Variants in DNAH10 observed in about 807,000 individuals in gnomAD.
DNAH10 encodes dynein axonemal heavy chain 10.
A neutral mutation model predicts 506.6 loss-of-function variants in DNAH10; 348 were observed. That is an observed-to-expected ratio of 0.69 (90% CI 0.63 to 0.75). The LOEUF is 0.75. DNAH10 is among the 30% of genes least tolerant of loss of function. DNAH10 has a pLI of 0.00. For missense variants in DNAH10, 5,179 were observed against 5,787.1 expected (o/e 0.89, Z 3.41); for synonymous variants, 2,059 against 2,198.6 (o/e 0.94, Z 1.78).
chr12:123,918,583 T>C (rs1678750003), intron 64 of DNAH10, 93 bp from the exon 65 acceptor site: 2 of 1,431,038 alleles, frequency 1.4e-6, no homozygotes, highest in South Asian at 3.2e-5. Flanking sequence ...CCCTGAAGCA[T>C]TGTACATACC....
chr12:123,922,487 C>T (rs1035841139), intron 65 of DNAH10, among the ~76,000 whole-genome samples: 1 of 152,190 alleles, frequency 6.6e-6, no homozygotes, highest in African/African-American at 2.4e-5. Flanking sequence ...ACTCGTGTCC[C>T]TTTCCAGTCC....
chr12:123,879,218 C>A, intron 48 of DNAH10, 46 bp from the exon 49 acceptor site: 1 of 1,516,530 alleles, frequency 6.6e-7, no homozygotes. Context: ...GCCCTGGTAT[C>A]CTTCAGGTGA....
Position 123,870,373 on chromosome 12 carries a change from T to C in DNAH10, c.7527T>C (p.Leu2509=). The change falls in exon 44 of 79, where the codon CTT becomes CTC. Residue 2509 remains leucine, a synonymous_variant. Coordinates refer to ENST00000673944, the MANE Select transcript of DNAH10 (RefSeq NM_001372106.1). ...WANPGELPGQ[L]PTLYDFHFDN... ...AACCATGATTTCCTGCAGGTCAACT[T>C]CCAACCTTGTATGACTTTCATTTTG... The C allele has an allele frequency of 6.2e-7, 1 of 1,613,542 alleles. No homozygotes were observed. The highest frequency in any genetic ancestry group is 1.1e-5 in the South Asian group (1 of 90,888).
intron 36 of DNAH10, among the ~76,000 whole-genome samples, chr12:123,854,162 C>T (rs1951299946): frequency 6.9e-6 from 1 of 144,138 alleles, no homozygotes; most frequent in Non-Finnish European, 1.5e-5. Flanking sequence ...ACTATAAAGT[C>T]AGATGGAGCT....
At position 123,913,183 on chromosome 12, in the gene DNAH10, T is replaced by G. The variant is rs755264046; in HGVS notation, c.10220T>G (p.Leu3407Arg). Residue 3407 changes from leucine (L) to arginine (R), a missense_variant, in exon 60 of 79, where the codon CTG becomes CGG. By Grantham distance (102) the Leu-to-Arg change is moderately radical (BLOSUM62 -2). Transcript: ENST00000673944. The surrounding 1 kb of genome is among the most constrained non-coding windows in gnomAD (Gnocchi z 5.1). ...GAGTTGGCAGCAATTCAGAAAGAGC[T>G]GGAAACATTGGGTGCCAAATATGAG... ...QNELAAIQKELETLGAKYEAA... is the reference protein window; with the variant it reads ...QNELAAIQKERETLGAKYEAA... 2 of 1,610,954 alleles carry G rather than the reference T, an allele frequency of 1.2e-6. No individual in the cohort carries two copies. The highest frequency in any genetic ancestry group is 1.7e-6 in the Non-Finnish European group (2 of 1,179,006).
chr12:123,873,646 A>G lies in DNAH10; in HGVS notation c.7874A>G (p.Asp2625Gly), dbSNP rs527340740. 1.2e-6 allele frequency: 2 copies of G among 1,613,876 alleles called. No homozygotes were observed. Among genetic ancestry groups the G allele is most frequent in the East Asian group, 4.5e-5 (2 of 44,876 alleles). Residue 2625 changes from aspartate to glycine, a missense_variant, in exon 46 of 79, where the codon GAT becomes GGT. Around this residue, in one of 3 missense-constraint regions of DNAH10, gnomAD observed 4,844 missense variants for 5,430.5 expected, o/e 0.89. Coordinates refer to ENST00000673944, the MANE Select transcript of DNAH10 (RefSeq NM_001372106.1). ...GCAAATGTGGAAAAGCGAACCAAAG[A>G]TACTTACGGCCCACCCATGGGAAAA... ...LEANVEKRTKDTYGPPMGKRL... is the reference protein window; with the variant it reads ...LEANVEKRTKGTYGPPMGKRL...
chr12:123,896,155 A>C (rs1379449975), intron 54 of DNAH10, among the ~76,000 whole-genome samples: 1 of 99,396 alleles, frequency 1.0e-5, no homozygotes, highest in African/African-American at 5.0e-5. Context: ...ACACAGAGAG[A>C]GAGAGAGAGA....
At position 123,909,236 on chromosome 12, in the gene DNAH10, C is replaced by A. The variant is rs1488046282; in HGVS notation, c.9816-25C>A. 8 of 1,608,182 alleles carry A rather than the reference C, an allele frequency of 5.0e-6. No individual in the cohort carries two copies. Among genetic ancestry groups the A allele is most frequent in the Non-Finnish European group, 6.8e-6 (8 of 1,177,842 alleles). On this transcript the variant is annotated intron_variant, in intron 57 of 78. Coordinates refer to ENST00000673944, the MANE Select transcript of DNAH10 (RefSeq NM_001372106.1). The surrounding 1 kb of genome is among the most constrained non-coding windows in gnomAD (Gnocchi z 5.4). ...TCCTGGCCACATCCCGGGGTTGTGA[C>A]CCACGTGCCTTGGTTTCTTGCCAGG...
In DNAH10 at chr12:123,913,483, A is replaced by T. The variant is rs1184919719; in HGVS notation, c.10352+168A>T. 6.6e-6 allele frequency among the ~76,000 whole-genome samples: 1 copy of T among 152,210 alleles called. No individual in the cohort carries two copies. Among genetic ancestry groups the T allele is most frequent in the Non-Finnish European group, 1.5e-5 (1 of 68,036 alleles). Reference sequence around the variant, plus strand: ...TTATGGCAGCTAATGGCTATTTTATAGGCTCTTGTTTGTATTAGGCACTGA... The same window carrying T: ...TTATGGCAGCTAATGGCTATTTTATTGGCTCTTGTTTGTATTAGGCACTGA... On this transcript the variant is annotated intron_variant, in intron 60 of 78. Coordinates refer to ENST00000673944, the MANE Select transcript of DNAH10 (RefSeq NM_001372106.1). The surrounding 1 kb of genome is among the most constrained non-coding windows in gnomAD (Gnocchi z 5.1).
At chr12:123,895,634 G>T (rs187548150) in intron 54 of DNAH10, among the ~76,000 whole-genome samples, 19 of 152,234 alleles carry the variant, frequency 1.2e-4, no homozygotes. Flanking sequence ...ACAAAAACAG[G>T]GGGCGGGCTG....
At chr12:123,897,703 C>T (rs961072352) in intron 54 of DNAH10, 67 bp from the exon 55 acceptor site, 4 of 1,530,276 alleles carry the variant, frequency 2.6e-6, no homozygotes, top group Non-Finnish European at 3.5e-6. Context: ...CCAGCCTGGG[C>T]AACAGAGTGA....
Position 123,850,628 on chromosome 12 carries a change from G to A in DNAH10, c.6103-260G>A, listed in dbSNP as rs570646452. On this transcript the variant is annotated intron_variant, in intron 34 of 78. Transcript: ENST00000673944. The surrounding 1 kb of genome is among the most constrained non-coding windows in gnomAD (Gnocchi z 5.5). ...GTATCAGCCCCAGACTCTGTGCTTCGCCAACCTGGGCCCCTTCTCCAAGGT... is the reference window on the plus strand; with the variant it reads ...GTATCAGCCCCAGACTCTGTGCTTCACCAACCTGGGCCCCTTCTCCAAGGT... 2.0e-5 allele frequency among the ~76,000 whole-genome samples: 3 copies of A among 152,270 alleles called. No homozygotes were observed. The highest frequency in any genetic ancestry group is 1.9e-4 in the East Asian group (1 of 5,176).
intron 77 of DNAH10, 70 bp downstream of exon 77, chr12:123,933,581 A>C: frequency 1.5e-4 from 225 of 1,503,214 alleles, no homozygotes; most frequent in Non-Finnish European, 1.8e-4. Flanking sequence ...CCTCCAACTC[A>C]AAGGGACAGG....
Position 123,772,915 on chromosome 12 carries a change from G to A in DNAH10, c.478G>A (p.Val160Met), listed in dbSNP as rs539668219. 3.9e-5 allele frequency: 63 copies of A among 1,612,754 alleles called. No individual in the cohort carries two copies. Among genetic ancestry groups the A allele is most frequent in the Admixed American group, 6.7e-5 (4 of 59,768 alleles). ...TCCCGAGGAGTTCCTGGACCAAAACGTGGTGTTTTTCCTCAGAAATACCAA... is the reference window on the plus strand; with the variant it reads ...TCCCGAGGAGTTCCTGGACCAAAACATGGTGTTTTTCCTCAGAAATACCAA... ...PLPEEFLDQN[V>M]VFFLRNTKEA... Residue 160 changes from valine (V) to methionine (M), a missense_variant, in exon 4 of 79, where the codon GTG becomes ATG. By Grantham distance (21) the Val-to-Met change is conservative. Coordinates refer to ENST00000673944, the MANE Select transcript of DNAH10 (RefSeq NM_001372106.1).
rs748999423 is a variant in DNAH10, at chr12:123,850,988, C to T, written c.6203C>T (p.Ala2068Val). 21 of 1,613,964 alleles carry T rather than the reference C, an allele frequency of 1.3e-5. No individual in the cohort carries two copies. Among genetic ancestry groups the T allele is most frequent in the South Asian group, 7.7e-5 (7 of 91,074 alleles). ...GRTELPESVK[A>V]LFRPVVVIVP... is the part of the protein sequence containing the mutation. ...ACGGAGCTGCCCGAGTCGGTGAAGGCGCTGTTCAGGCCTGTGGTCGTGATC... is the reference window on the plus strand; with the variant it reads ...ACGGAGCTGCCCGAGTCGGTGAAGGTGCTGTTCAGGCCTGTGGTCGTGATC... The change falls in exon 35 of 79, where the codon GCG becomes GTG. Residue 2068 changes from alanine to valine, a missense_variant. Physicochemically the swap from Ala to Val is moderately conservative, Grantham distance 64. This residue lies in a region of DNAH10 where 4,844 missense variants were observed against 5,430.5 expected (regional missense o/e 0.89). Coordinates refer to ENST00000673944, the MANE Select transcript of DNAH10 (RefSeq NM_001372106.1). This position sits in a 1 kb window ranked among gnomAD's most constrained non-coding sequence, Gnocchi z 5.5.
intron 11 of DNAH10, among the ~76,000 whole-genome samples, chr12:123,793,539 C>T (rs1022961410): frequency 1.1e-4 from 16 of 152,144 alleles, no homozygotes; most frequent in Admixed American, 2.0e-4. Flanking sequence ...GGGGTTTCAC[C>T]GTGTTAGCCA....
chr12:123,762,376 T>TC lies in DNAH10; in HGVS notation c.40_41insC (p.Tyr14SerfsTer59). 1 of 1,379,054 alleles carries TC rather than the reference T, an allele frequency of 7.3e-7. No individual in the cohort carries two copies. Among genetic ancestry groups the TC allele is most frequent in the Non-Finnish European group, 9.4e-7 (1 of 1,062,552 alleles). 85.4% of individuals were successfully genotyped at this position (1,379,054 alleles called of 1,614,324 possible). On this transcript the variant is annotated frameshift_variant, in exon 1 of 79. Coordinates refer to ENST00000673944, the MANE Select transcript of DNAH10 (RefSeq NM_001372106.1). LOFTEE classifies it high-confidence loss of function. The surrounding 1 kb of genome is among the most constrained non-coding windows in gnomAD (Gnocchi z 5.0). Reference sequence around the variant, plus strand: ...GGTGCTGTGGATGCGCGACCGCGTGTATGCGGCTTTCGGCATCACCGACCC... The same window carrying TC: ...GGTGCTGTGGATGCGCGACCGCGTGTCATGCGGCTTTCGGCATCACCGACCC...
Position 123,891,373 on chromosome 12 carries a change from A to G in DNAH10, c.8996-1860A>G, listed in dbSNP as rs116278391. On this transcript the variant is annotated intron_variant, in intron 52 of 78. Transcript: ENST00000673944. ...TGAGCTACTTTGGGGACTTCAGTAT[A>G]TCTTTTTCAGGGCGACATGCAACTT... is the stretch of plus-strand genomic sequence containing the variant. Among the ~76,000 whole-genome samples the G allele has an allele frequency of 6.8e-3, 1,036 of 152,312 alleles. 15 individuals are homozygous for G. The highest frequency in any genetic ancestry group is 0.024 in the African/African-American group (999 of 41,574).
chr12:123,845,810 C>G lies in DNAH10; in HGVS notation c.5571C>G (p.Asn1857Lys). Reference protein sequence around the residue: ...PLSKNDRKKYNTVLIIDVHAR... With the variant: ...PLSKNDRKKYKTVLIIDVHAR... ...GCAAAAACGACAGGAAAAAATACAA[C>G]ACTGTTCTCATCATTGATGTGCATG... The change falls in exon 31 of 79, where the codon AAC (asparagine) becomes AAG (lysine). Residue 1857 changes from asparagine (N) to lysine (K), a missense_variant. Asn to Lys is a moderately conservative substitution (Grantham distance 94). Coordinates refer to ENST00000673944, the MANE Select transcript of DNAH10 (RefSeq NM_001372106.1). 1 of 1,614,006 alleles carries G rather than the reference C, an allele frequency of 6.2e-7. No individual in the cohort carries two copies. The highest frequency in any genetic ancestry group is 8.5e-7 in the Non-Finnish European group (1 of 1,179,896).
Sources: gnomAD v4.1 joint callset for allele counts (sites outside exome capture counted in the v4.1 genomes callset) on GRCh38, gnomAD v4.1.1 for gene constraint, gnomAD v4.1.1 regional missense constraint, Gnocchi (gnomAD v3.1) non-coding constraint, MANE v1.5 for transcripts, NCBI Gene and HGNC (gene_info 2026-07-23, HGNC 2026-07-21) for gene names.